The following NUP37 variants were observed in gnomAD, a reference collection of about 807,000 sequenced individuals.
NUP37 encodes nucleoporin Nup37.
Under a neutral mutation model 45.4 loss-of-function variants are expected in NUP37, and 33 were observed. That is an observed-to-expected ratio of 0.73 (90% CI 0.55 to 0.97). The LOEUF is 0.97. Among genes scored for constraint, NUP37 ranks in the 50% least tolerant of loss-of-function variants. The probability of loss-of-function intolerance (pLI) is 0.00; values close to 1 mark genes in which losing one functional copy is unlikely to be tolerated. For synonymous variants in NUP37, 127 were observed against 130.7 expected (o/e 0.97, Z 0.19); for missense variants, 365 against 389.7 (o/e 0.94, Z 0.53).
At chr12:102,107,883 G>A (rs1278714267) in intron 3 of NUP37, among the ~76,000 whole-genome samples, 4 of 152,192 alleles carry the variant, frequency 2.6e-5, no homozygotes, top group African/African-American at 9.6e-5. Context: ...TAATAAACAT[G>A]AAACTGATAG....
At chr12:102,088,363 A>G (rs1462128979) in intron 5 of NUP37, among the ~76,000 whole-genome samples, 3 of 152,154 alleles carry the variant, frequency 2.0e-5, no homozygotes, top group African/African-American at 4.8e-5. Flanking sequence ...GAAGTATACC[A>G]TATATAATAA....
chr12:102,100,789 T>C (rs1369222084), intron 4 of NUP37, among the ~76,000 whole-genome samples: 2 of 152,164 alleles, frequency 1.3e-5, no homozygotes, highest in Non-Finnish European at 2.9e-5. Flanking sequence ...TTGTTGTTCC[T>C]ACCTAATATT....
chr12:102,102,304 A>C (rs1879993804), intron 3 of NUP37, among the ~76,000 whole-genome samples: 1 of 152,058 alleles, frequency 6.6e-6, no homozygotes, highest in African/African-American at 2.4e-5. Flanking sequence ...ATTTGTCAAG[A>C]GTTGTTAGAG....
At chr12:102,114,078 T>C (rs905318239) in intron 2 of NUP37, among the ~76,000 whole-genome samples, 2 of 152,216 alleles carry the variant, frequency 1.3e-5, no homozygotes, top group African/African-American at 4.8e-5. Flanking sequence ...TCGTAATTTG[T>C]GTGTATAATA....
At chr12:102,098,753 A>AAAT (rs1376820918) in intron 5 of NUP37, among the ~76,000 whole-genome samples, 1 of 152,200 alleles carries the variant, frequency 6.6e-6, no homozygotes, top group Non-Finnish European at 1.5e-5. Flanking sequence ...GCTGGTCATT[A>AAAT]ACTCCTGACC....
intron 5 of NUP37, among the ~76,000 whole-genome samples, chr12:102,089,977 C>T (rs1466815779): frequency 6.6e-6 from 1 of 152,092 alleles, no homozygotes; most frequent in Non-Finnish European, 1.5e-5. Flanking sequence ...ACACACACAC[C>T]TGCTGGGTAC....
intron 5 of NUP37, among the ~76,000 whole-genome samples, chr12:102,088,496 T>G (rs1022824504): frequency 6.6e-6 from 1 of 152,186 alleles, no homozygotes; most frequent in Non-Finnish European, 1.5e-5. Context: ...CTACTCATAC[T>G]TCCTTACTGT....
At chr12:102,085,619 G>A in intron 6 of NUP37, 147 bp downstream of exon 6, 1 of 429,866 alleles carries the variant, frequency 2.3e-6, no homozygotes, top group South Asian at 5.0e-5. Context: ...CTACAGTACA[G>A]GTTTCTAGAC....
At chr12:102,104,766 G>C (rs919184572) in intron 3 of NUP37, among the ~76,000 whole-genome samples, 4 of 152,108 alleles carry the variant, frequency 2.6e-5, no homozygotes, top group Non-Finnish European at 5.9e-5. Context: ...CTATGTGAAG[G>C]TATTTTTCCT....
At chr12:102,119,297 T>C (rs1031899075) in intron 1 of NUP37, 3 of 152,296 alleles carry the variant, frequency 2.0e-5, no homozygotes, top group East Asian at 1.9e-4. Context: ...TCAGGATAAA[T>C]AGCTAATGCA....
chr12:102,075,176 C>T (rs1879135332), intron 8 of NUP37, 82 bp from the exon 9 acceptor site: 2 of 881,920 alleles, frequency 2.3e-6, no homozygotes, highest in Non-Finnish European at 1.7e-6. Context: ...TTTTCTTTTT[C>T]TTTTTCTTTT....
intron 6 of NUP37, among the ~76,000 whole-genome samples, chr12:102,078,236 G>C (rs1478057110): frequency 6.6e-6 from 1 of 151,662 alleles, no homozygotes; most frequent in African/African-American, 2.4e-5. Flanking sequence ...GGCTGAGGCA[G>C]AACTGCTTGA....
At chr12:102,112,715 A>G (rs1022297317) in intron 2 of NUP37, among the ~76,000 whole-genome samples, 1 of 152,192 alleles carries the variant, frequency 6.6e-6, no homozygotes, top group Non-Finnish European at 1.5e-5. Flanking sequence ...GAACCGGATT[A>G]TCTACTGACA....
chr12:102,101,098 A>G lies in NUP37; in HGVS notation c.288T>C (p.Cys96=). The part of the protein sequence containing the change: ...LDSLPPVIKF[C]TSAADMKIRL... ...TAATTTTCATATCAGCAGCTGAAGTACAAAATCTGGAAGCAAAAAAACAAA... is the reference window on the plus strand; with the variant it reads ...TAATTTTCATATCAGCAGCTGAAGTGCAAAATCTGGAAGCAAAAAAACAAA... Residue 96 remains cysteine (C), a synonymous_variant, in exon 4 of 10, where the codon TGT becomes TGC. Coordinates refer to ENST00000552283, the MANE Select transcript of NUP37 (RefSeq NM_024057.4). 6.4e-7 allele frequency: 1 copy of G among 1,560,344 alleles called. No homozygotes were observed. The highest frequency in any genetic ancestry group is 8.7e-7 in the Non-Finnish European group (1 of 1,151,868).
intron 5 of NUP37, among the ~76,000 whole-genome samples, chr12:102,090,619 C>A (rs1220123256): frequency 2.0e-5 from 3 of 152,100 alleles, no homozygotes; most frequent in Admixed American, 6.5e-5. Context: ...AAAACTCACT[C>A]ATATTAGGTA....
At position 102,120,070 on chromosome 12, in the gene NUP37, C is replaced by G; in HGVS notation, c.-86G>C. ...CGCACCGCAGAGCGCCAGGAACCGA[C>G]CAGAGGCAGGCTGGTCTTCCTTGGG... is the stretch of plus-strand genomic sequence containing the variant. On this transcript the variant is annotated 5_prime_UTR_variant, in exon 1 of 10. Coordinates refer to ENST00000552283, the MANE Select transcript of NUP37 (RefSeq NM_024057.4). 1 of 158,358 alleles carries G rather than the reference C, an allele frequency of 6.3e-6. No homozygotes were observed. The highest frequency in any genetic ancestry group is 1.6e-4 in the South Asian group (1 of 6,376). 9.8% of individuals were successfully genotyped at this position (158,358 alleles called of 1,614,324 possible).
intron 3 of NUP37, among the ~76,000 whole-genome samples, chr12:102,104,852 C>T (rs1055872237): frequency 3.3e-5 from 5 of 152,170 alleles, no homozygotes; most frequent in African/African-American, 7.2e-5. Flanking sequence ...TACTGTATAG[C>T]ATTGCGATAC....
intron 3 of NUP37, among the ~76,000 whole-genome samples, chr12:102,109,575 G>C (rs1880254965): frequency 6.6e-6 from 1 of 152,014 alleles, no homozygotes; most frequent in Non-Finnish European, 1.5e-5. Flanking sequence ...TAATTTATTT[G>C]AAAACAAGAT....
chr12:102,099,984 A>G (rs1879925458), intron 4 of NUP37, among the ~76,000 whole-genome samples: 1 of 152,150 alleles, frequency 6.6e-6, no homozygotes. Context: ...TAATATTAAA[A>G]AAAAAACAAA....
Sources: allele counts gnomAD v4.1 joint callset (sites outside exome capture counted in the v4.1 genomes callset), GRCh38; gene constraint gnomAD v4.1.1; transcripts MANE v1.5; gene names NCBI Gene and HGNC (gene_info 2026-07-23, HGNC 2026-07-21).